The following ELAC1 variants were observed in gnomAD, a reference collection of about 807,000 sequenced individuals.
ELAC1 encodes the protein zinc phosphodiesterase ELAC protein 1.
ELAC1 carries 19 observed loss-of-function variants against 25.8 expected under a neutral mutation model. That is an observed-to-expected ratio of 0.74 (90% confidence interval 0.51 to 1.08). The LOEUF (loss-of-function observed/expected upper bound fraction) is 1.08. Ranked by LOEUF, ELAC1 falls within the 50% of genes least tolerant of loss-of-function variation. The pLI is 0.00. For missense variants in ELAC1, 403 were observed against 434.6 expected (o/e 0.93, Z 0.65); for synonymous variants, 148 against 160.9 (o/e 0.92, Z 0.61).
Position 50,971,587 on chromosome 18 carries a change from G to A in ELAC1, c.-8-2810G>A, listed in dbSNP as rs904089054. The stretch of plus-strand genomic sequence containing the variant: ...TTTTTAATTTTTTTGTAGAGACAGT[G>A]TCTCACTATGTTGCCTAGGCTGGTC... On this transcript the variant is annotated intron_variant, in intron 1 of 3. Coordinates refer to ENST00000269466, the MANE Select transcript of ELAC1 (RefSeq NM_018696.3). 4.0e-5 allele frequency among the ~76,000 whole-genome samples: 6 copies of A among 151,840 alleles called. No homozygotes were observed. In the South Asian group the frequency reaches 1.2e-3, roughly 32 times the overall value.
In ELAC1 at chr18:50,984,267, C is replaced by G. The variant is rs776533759; in HGVS notation, c.329C>G (p.Ser110Cys). Residue 110 changes from serine to cysteine, a missense_variant, in exon 3 of 4, where the codon TCT (serine) becomes TGT (cysteine). Coordinates refer to ENST00000269466, the MANE Select transcript of ELAC1 (RefSeq NM_018696.3). ...TTTATCTGGCGAACCATGGAACTCT[C>G]TCACACGGAGCTGGTCTTCCATTAT... ...RDFIWRTMEL[S>C]HTELVFHYVV... is the part of the protein sequence containing the mutation. 3 of 1,614,196 alleles carry G rather than the reference C, an allele frequency of 1.9e-6. No individual in the cohort carries two copies. The South Asian group carries it at 3.3e-5, about 18-fold the overall frequency.
chr18:50,978,979 G>T (rs999941583), intron 2 of ELAC1, among the ~76,000 whole-genome samples: 2 of 152,212 alleles, frequency 1.3e-5, no homozygotes, highest in Non-Finnish European at 2.9e-5. Flanking sequence ...ATCGTACAGA[G>T]ATTCCTTTCA....
In ELAC1 at chr18:50,982,317, A is replaced by G. The variant is rs142005145; in HGVS notation, c.158-1779A>G. On this transcript the variant is annotated intron_variant, in intron 2 of 3. Transcript: ENST00000269466. ...CTCCTGGGGATTCGCAAAGTCCACA[A>G]TCAGCCTGTGCCAATCTGTTGTTCT... Among the ~76,000 whole-genome samples, 1,056 of 152,318 alleles carry G rather than the reference A, an allele frequency of 6.9e-3. 13 individuals are homozygous for G. The highest frequency in any genetic ancestry group is 0.025 in the African/African-American group (1,023 of 41,574).
intron 2 of ELAC1, among the ~76,000 whole-genome samples, chr18:50,978,338 T>TA (rs976804022): frequency 3.2e-4 from 48 of 149,104 alleles, no homozygotes; most frequent in South Asian, 2.8e-3. Context: ...GTAATTTATT[T>TA]AAAAAAAAAA....
intron 2 of ELAC1, among the ~76,000 whole-genome samples, chr18:50,981,818 T>A (rs1790494): frequency 0.1 from 15,183 of 151,386 alleles, 2,106 homozygotes; most frequent in African/African-American, 0.31. Flanking sequence ...CACTGGGGGA[T>A]CTGGACTCAG....
Position 50,984,196 on chromosome 18 carries a change from G to A in ELAC1, c.258G>A (p.Val86=). 3 of 1,614,160 alleles carry A rather than the reference G, an allele frequency of 1.9e-6. No individual in the cohort carries two copies. Among genetic ancestry groups the A allele is most frequent in the Non-Finnish European group, 8.5e-7 (1 of 1,180,022 alleles). ...TCAGCCTGCAGAGTGGCTCCATGGT[G>A]TCCAAACAGCCTATTGAAATCTATG... is the stretch of plus-strand genomic sequence containing the variant. The part of the protein sequence containing the change: ...CTISLQSGSM[V]SKQPIEIYGP... Residue 86 remains valine, a synonymous_variant, in exon 3 of 4, where the codon GTG becomes GTA. Transcript: ENST00000269466.
At chr18:50,976,746 A>G (rs1599146073) in intron 2 of ELAC1, among the ~76,000 whole-genome samples, 1 of 152,338 alleles carries the variant, frequency 6.6e-6, no homozygotes, top group African/African-American at 2.4e-5. Flanking sequence ...TCATTTTAGC[A>G]TTAATTTAAA....
In ELAC1 at chr18:50,968,084, C is replaced by G. The variant is rs1011712547; in HGVS notation, c.-39C>G. On this transcript the variant is annotated 5_prime_UTR_variant, in exon 1 of 4. Coordinates refer to ENST00000269466, the MANE Select transcript of ELAC1 (RefSeq NM_018696.3). ...GGCCAGGGTGCGGGCCTGCGCCTCC[C>G]TCGGCTCCTGGCGCGGGCCTCGGGG... 1.3e-5 allele frequency: 2 copies of G among 152,186 alleles called. No homozygotes were observed. Among genetic ancestry groups the G allele is most frequent in the East Asian group, 3.9e-4 (2 of 5,152 alleles). 9.4% of individuals were successfully genotyped at this position (152,186 alleles called of 1,614,324 possible). A position where few individuals can be genotyped will look rare whatever the true frequency, so the allele number is the denominator to read the frequency against.
At chr18:50,970,804 A>G (rs1228747688) in intron 1 of ELAC1, among the ~76,000 whole-genome samples, 1 of 151,492 alleles carries the variant, frequency 6.6e-6, no homozygotes, top group Non-Finnish European at 1.5e-5. Flanking sequence ...AACCCCCCGC[A>G]CAGCCCCCAC....
In ELAC1 at chr18:50,973,356, A is replaced by G. The variant is rs566123683; in HGVS notation, c.-8-1041A>G. Reference sequence around the variant, plus strand: ...GATACATATATTCCATCTCAGAAGTATATCAGTGATGTCAGATGTACCTAG... The same window carrying G: ...GATACATATATTCCATCTCAGAAGTGTATCAGTGATGTCAGATGTACCTAG... On this transcript the variant is annotated intron_variant, in intron 1 of 3. Coordinates refer to ENST00000269466, the MANE Select transcript of ELAC1 (RefSeq NM_018696.3). Among the ~76,000 whole-genome samples the G allele has an allele frequency of 2.4e-4, 37 of 152,340 alleles. No individual in the cohort carries two copies. The South Asian group carries it at 2.9e-3, about 12-fold the overall frequency.
In ELAC1 at chr18:50,974,386, T is replaced by G. The variant is rs1907737947; in HGVS notation, c.-8-11T>G. The G allele has an allele frequency of 6.6e-7, 1 of 1,510,678 alleles. No individual in the cohort carries two copies. The highest frequency in any genetic ancestry group is 1.4e-5 in the African/African-American group (1 of 71,240). The allele number at this position is 1,510,678 out of a possible 1,614,324, so 93.6% of individuals were successfully genotyped here. A position where few individuals can be genotyped will look rare whatever the true frequency, so the allele number is the denominator to read the frequency against. On this transcript the variant is annotated splice_polypyrimidine_tract_variant and intron_variant, in intron 1 of 3. Transcript: ENST00000269466. ...ATATGAAATAATCCCCAGATGATCT[T>G]TCTGTTGCAGGGTGGAAGATGTCTA...
At chr18:50,970,805 C>T (rs924681949) in intron 1 of ELAC1, among the ~76,000 whole-genome samples, 1 of 151,366 alleles carries the variant, frequency 6.6e-6, no homozygotes, top group African/African-American at 2.4e-5. Context: ...ACCCCCCGCA[C>T]AGCCCCCACC....
At position 50,987,430 on chromosome 18, in the gene ELAC1, A is replaced by G. The variant is rs552595426; in HGVS notation, c.*345A>G. 3 of 188,350 alleles carry G rather than the reference A, an allele frequency of 1.6e-5. No individual in the cohort carries two copies. The highest frequency in any genetic ancestry group is 7.0e-5 in the African/African-American group (3 of 43,002). 11.7% of individuals were successfully genotyped at this position (188,350 alleles called of 1,614,324 possible). On this transcript the variant is annotated 3_prime_UTR_variant, in exon 4 of 4. Transcript: ENST00000269466. ...CCAGCTTTATTGCTGCTATTGGCAA[A>G]GAGCACAGGACTCAGCCCTCGTGGC...
intron 2 of ELAC1, among the ~76,000 whole-genome samples, chr18:50,980,192 G>T (rs559905954): frequency 1.3e-5 from 2 of 152,036 alleles, no homozygotes; most frequent in African/African-American, 2.4e-5. Flanking sequence ...AAAGCCAGAT[G>T]TGGTCCCAGT....
chr18:50,978,259 C>A (rs1419690383), intron 2 of ELAC1, among the ~76,000 whole-genome samples: 2 of 152,168 alleles, frequency 1.3e-5, no homozygotes, highest in Non-Finnish European at 2.9e-5. Flanking sequence ...AGCATTATCC[C>A]ACTCTACCAG....
chr18:50,981,312 A>G (rs1238674460), intron 2 of ELAC1, among the ~76,000 whole-genome samples: 1 of 152,150 alleles, frequency 6.6e-6, no homozygotes, highest in Non-Finnish European at 1.5e-5. Context: ...ATGTACATAG[A>G]TATGGTGATA....
At chr18:50,982,065 C>T (rs1472904105) in intron 2 of ELAC1, among the ~76,000 whole-genome samples, 1 of 152,064 alleles carries the variant, frequency 6.6e-6, no homozygotes, top group East Asian at 1.9e-4. Context: ...AGACTGGTCT[C>T]AAACTCCCAA....
chr18:50,978,863 A>G (rs1907864558), intron 2 of ELAC1, among the ~76,000 whole-genome samples: 1 of 152,226 alleles, frequency 6.6e-6, no homozygotes, highest in Non-Finnish European at 1.5e-5. Context: ...GAAGGAGCTA[A>G]TGCATATTGT....
At chr18:50,986,348 A>G (rs909058898) in intron 3 of ELAC1, among the ~76,000 whole-genome samples, 5 of 152,230 alleles carry the variant, frequency 3.3e-5, no homozygotes, top group Non-Finnish European at 7.3e-5. Context: ...AGAATGTTAC[A>G]GTGACTACAA....
Sources: gnomAD v4.1 joint callset for allele counts (sites outside exome capture counted in the v4.1 genomes callset) on GRCh38, gnomAD v4.1.1 for gene constraint, MANE v1.5 for transcripts, NCBI Gene and HGNC (gene_info 2026-07-23, HGNC 2026-07-21) for gene names.